Variants in WASF3 observed in about 807,000 individuals in gnomAD.
The protein encoded by WASF3 is WASP family member 3.
WASF3 carries 11 observed loss-of-function variants against 46.6 expected under a neutral mutation model. The observed-to-expected ratio is 0.24, with a 90% CI of 0.15 to 0.39. The LOEUF (loss-of-function observed/expected upper bound fraction) is 0.39. Ranked by LOEUF, WASF3 falls within the 10% of genes least tolerant of loss-of-function variation. The probability of loss-of-function intolerance (pLI) is 1.00; values close to 1 mark genes in which losing one functional copy is unlikely to be tolerated. For missense variants in WASF3, 576 were observed against 669.8 expected (o/e 0.86, Z 1.55); for synonymous variants, 242 against 259.7 (o/e 0.93, Z 0.65).
intron 1 of WASF3, among the ~76,000 whole-genome samples, chr13:26,583,101 T>C (rs190125066): frequency 1.6e-4 from 25 of 152,334 alleles, no homozygotes; most frequent in African/African-American, 5.5e-4. Flanking sequence ...TAAAGCAGTT[T>C]GGACAGTTAC....
chr13:26,603,387 A>C (rs997266904), intron 1 of WASF3, among the ~76,000 whole-genome samples: 9 of 152,236 alleles, frequency 5.9e-5, no homozygotes, highest in Non-Finnish European at 1.0e-4. Context: ...AATCAAGGAA[A>C]TAAAAACACA....
At position 26,679,874 on chromosome 13, in the gene WASF3, A is replaced by G. The variant is rs1237054742; in HGVS notation, c.717-1180A>G. Among the ~76,000 whole-genome samples the G allele has an allele frequency of 6.6e-6, 1 of 152,202 alleles. No homozygotes were observed. The highest frequency in any genetic ancestry group is 2.4e-5 in the African/African-American group (1 of 41,446). On this transcript the variant is annotated intron_variant, in intron 7 of 9. Coordinates refer to ENST00000335327, the MANE Select transcript of WASF3 (RefSeq NM_006646.6). The surrounding 1 kb of genome is among the most constrained non-coding windows in gnomAD (Gnocchi z 4.8). ...TTGTTACACTTCAATTAAGGAAGGAAAAAGGAAAAGAAGCTGTCTCTTCTC... is the reference window on the plus strand; with the variant it reads ...TTGTTACACTTCAATTAAGGAAGGAGAAAGGAAAAGAAGCTGTCTCTTCTC...
chr13:26,616,631 A>G lies in WASF3; in HGVS notation c.-11+3573A>G, dbSNP rs571526990. Among the ~76,000 whole-genome samples, 13 of 151,788 alleles carry G rather than the reference A, an allele frequency of 8.6e-5. No homozygotes were observed. The East Asian group carries it at 2.1e-3, about 25-fold the overall frequency. On this transcript the variant is annotated intron_variant, in intron 2 of 9. Transcript: ENST00000335327. ...GGTTTTATTTTTTGCACTTTCCCCA[A>G]CTCCCATAAAAGTAGTTACTCTTTG... is the stretch of plus-strand genomic sequence containing the variant.
chr13:26,684,043 A>T (rs1464918714), intron 9 of WASF3, among the ~76,000 whole-genome samples: 1 of 152,226 alleles, frequency 6.6e-6, no homozygotes, highest in Non-Finnish European at 1.5e-5. Flanking sequence ...CCAGCTCAGC[A>T]TCAGGGATGT....
At chr13:26,598,164 G>T (rs945963931) in intron 1 of WASF3, among the ~76,000 whole-genome samples, 1 of 152,150 alleles carries the variant, frequency 6.6e-6, no homozygotes, top group East Asian at 1.9e-4. Flanking sequence ...CATTCTAACC[G>T]GTATGAGATG....
intron 1 of WASF3, among the ~76,000 whole-genome samples, chr13:26,594,058 A>G (rs1383674081): frequency 6.6e-6 from 1 of 152,232 alleles, no homozygotes; most frequent in Non-Finnish European, 1.5e-5. Context: ...GATTTAGGTA[A>G]TTTAAGGCTC....
At chr13:26,669,938 G>C (rs9512322) in intron 5 of WASF3, among the ~76,000 whole-genome samples, 42,049 of 152,148 alleles carry the variant, frequency 0.28, 6,075 homozygotes, top group South Asian at 0.39. Flanking sequence ...CATTTTGGAA[G>C]ACTGTGTGGT....
intron 1 of WASF3, among the ~76,000 whole-genome samples, chr13:26,593,913 G>T (rs793630): frequency 0.014 from 2,079 of 152,188 alleles, 55 homozygotes; most frequent in African/African-American, 0.047. Context: ...TCCTTTGGCT[G>T]ATTTAGTTGC....
In WASF3 at chr13:26,651,618, A is replaced by G. The variant is rs1041273051; in HGVS notation, c.133+9215A>G. On this transcript the variant is annotated intron_variant, in intron 3 of 9. Transcript: ENST00000335327. ...AGTCCTCCAGCAACCTGTACTACAA[A>G]AAATTCTTAACGCTTCAGGGAAATG... Among the ~76,000 whole-genome samples the G allele has an allele frequency of 2.0e-5, 3 of 152,370 alleles. No individual in the cohort carries two copies. The East Asian group carries it at 5.8e-4, about 29-fold the overall frequency.
chr13:26,642,709 C>G (rs1324813465), intron 3 of WASF3, among the ~76,000 whole-genome samples: 3 of 152,174 alleles, frequency 2.0e-5, no homozygotes, highest in Non-Finnish European at 2.9e-5. Context: ...ATTTTTTAAA[C>G]TATCAATTAT....
chr13:26,654,349 A>G (rs1882406731), intron 3 of WASF3, among the ~76,000 whole-genome samples: 1 of 152,202 alleles, frequency 6.6e-6, no homozygotes, highest in African/African-American at 2.4e-5. Context: ...ATCCTATCAG[A>G]GAGGGCTTTT....
At chr13:26,563,600 A>G (rs1279181154) in intron 1 of WASF3, among the ~76,000 whole-genome samples, 3 of 132,620 alleles carry the variant, frequency 2.3e-5, no homozygotes, top group African/African-American at 8.4e-5. Context: ...GGTTGCAGTG[A>G]GCTGAGATCG....
At chr13:26,582,392 C>T (rs749030483) in intron 1 of WASF3, among the ~76,000 whole-genome samples, 3 of 151,798 alleles carry the variant, frequency 2.0e-5, no homozygotes, top group African/African-American at 2.4e-5. Context: ...AAAAGAAAGC[C>T]GGGCCGGGCA....
intron 1 of WASF3, among the ~76,000 whole-genome samples, chr13:26,591,391 G>C (rs1156648399): frequency 6.6e-6 from 1 of 152,102 alleles, no homozygotes; most frequent in Non-Finnish European, 1.5e-5. Context: ...CGGGAGGCTT[G>C]GGTGAGGATG....
intron 1 of WASF3, among the ~76,000 whole-genome samples, chr13:26,566,785 C>T (rs1879477175): frequency 6.6e-6 from 1 of 152,190 alleles, no homozygotes; most frequent in African/African-American, 2.4e-5. Context: ...TTAGGCTGGA[C>T]ACATAGCAGA....
At chr13:26,662,889 ACACATAC>A (rs1381383776) in intron 3 of WASF3, among the ~76,000 whole-genome samples, 2 of 152,170 alleles carry the variant, frequency 1.3e-5, no homozygotes, top group Non-Finnish European at 2.9e-5. Flanking sequence ...ACATACACAT[ACACATAC>A]ACATACTTAT....
At chr13:26,553,427 G>A (rs1050880112), upstream of WASF3, among the ~76,000 whole-genome samples, 1 of 151,894 alleles carries the variant, frequency 6.6e-6, no homozygotes, top group Non-Finnish European at 1.5e-5. Flanking sequence ...TTGTACACTA[G>A]AATGATCCAG....
intron 2 of WASF3, chr13:26,618,651 C>T (rs569658590): frequency 6.6e-6 from 1 of 152,298 alleles, no homozygotes; most frequent in South Asian, 2.1e-4. Flanking sequence ...TGCCTTTCCC[C>T]TATTGGTAGT....
rs1593186614 is a variant in WASF3 at position 26,679,319 on chromosome 13, G to C, written c.717-1735G>C. Among the ~76,000 whole-genome samples, 2 of 152,160 alleles carry C rather than the reference G, an allele frequency of 1.3e-5. No individual in the cohort carries two copies. Among genetic ancestry groups the C allele is most frequent in the East Asian group, 1.9e-4 (1 of 5,170 alleles). The stretch of plus-strand genomic sequence containing the variant: ...TGGTCCTTCCCTCTTCAACTGACCA[G>C]TCCCCTCTTCCCCCAGCCCCCGTCC... On this transcript the variant is annotated intron_variant, in intron 7 of 9. Transcript: ENST00000335327. The surrounding 1 kb of genome is among the most constrained non-coding windows in gnomAD (Gnocchi z 4.8).
Sources: gnomAD v4.1 joint callset for allele counts (sites outside exome capture counted in the v4.1 genomes callset) on GRCh38, gnomAD v4.1.1 for gene constraint, Gnocchi (gnomAD v3.1) non-coding constraint, MANE v1.5 for transcripts, NCBI Gene and HGNC (gene_info 2026-07-23, HGNC 2026-07-21) for gene names.